The following ZNF507 variants were observed in gnomAD, a reference collection of about 807,000 sequenced individuals.
ZNF507 encodes the protein zinc finger protein 507.
A neutral mutation model predicts 80.0 loss-of-function variants in ZNF507; 29 were observed. That is an observed-to-expected ratio of 0.36 (90% confidence interval 0.27 to 0.49). The LOEUF is 0.49. ZNF507 is among the 20% of genes least tolerant of loss of function. ZNF507 has a pLI of 0.98. For missense variants in ZNF507, 1,081 were observed against 1,152.2 expected (o/e 0.94, Z 0.90); for synonymous variants, 462 against 422.5 (o/e 1.09, Z -1.15).
intron 5 of ZNF507, among the ~76,000 whole-genome samples, chr19:32,367,956 C>T (rs1009072522): frequency 2.0e-5 from 3 of 152,194 alleles, no homozygotes; most frequent in Admixed American, 1.3e-4. Context: ...GTTCAGTCCT[C>T]ACAGCAGCCC....
At chr19:32,360,386 C>A in intron 4 of ZNF507, 118 bp from the exon 5 acceptor site, 1 of 499,814 alleles carries the variant, frequency 2.0e-6, no homozygotes. Flanking sequence ...GTGAGAAAGC[C>A]GTGATTGAAA....
At chr19:32,355,020 T>C in intron 3 of ZNF507, 63 bp downstream of exon 3, 2 of 1,441,170 alleles carry the variant, frequency 1.4e-6, no homozygotes, top group East Asian at 2.4e-5. Flanking sequence ...AAGGGAACTT[T>C]GTAGATCTAA....
intron 5 of ZNF507, among the ~76,000 whole-genome samples, chr19:32,361,782 C>T (rs935782428): frequency 1.4e-5 from 2 of 144,500 alleles, no homozygotes; most frequent in African/African-American, 2.6e-5. Context: ...CTCTCTCCCT[C>T]CCTCCTTCCT....
intron 5 of ZNF507, among the ~76,000 whole-genome samples, chr19:32,379,427 T>C (rs1207915375): frequency 6.6e-6 from 1 of 152,154 alleles, no homozygotes; most frequent in Non-Finnish European, 1.5e-5. Flanking sequence ...AGGGGAACAA[T>C]TTTTTTAAAT....
Position 32,356,606 on chromosome 19 carries a change from C to T in ZNF507, c.2128-10C>T. On this transcript the variant is annotated splice_polypyrimidine_tract_variant and intron_variant, in intron 3 of 6. Transcript: ENST00000355898. ...TTATTGAAAATTACATATTTCTTTC[C>T]ACTTTTTAGAGTCAATTGAGGAACC... 6.3e-7 allele frequency: 1 copy of T among 1,597,758 alleles called. No individual in the cohort carries two copies. Among genetic ancestry groups the T allele is most frequent in the Non-Finnish European group, 8.6e-7 (1 of 1,166,110 alleles).
intron 5 of ZNF507, among the ~76,000 whole-genome samples, chr19:32,370,020 G>A (rs1318682881): frequency 1.3e-5 from 2 of 152,140 alleles, no homozygotes; most frequent in African/African-American, 4.8e-5. Flanking sequence ...TTAGCATGAG[G>A]CCTCCAGGGC....
chr19:32,365,995 G>T (rs1270679857), intron 5 of ZNF507, among the ~76,000 whole-genome samples: 4 of 152,014 alleles, frequency 2.6e-5, no homozygotes, highest in African/African-American at 9.7e-5. Context: ...AATGTGTAGT[G>T]GTATTATTAC....
intron 5 of ZNF507, among the ~76,000 whole-genome samples, chr19:32,373,215 C>CG (rs34242914): frequency 3.6e-4 from 54 of 151,198 alleles, no homozygotes; most frequent in African/African-American, 6.6e-4. Flanking sequence ...ATAGGAATTT[C>CG]GGGGGGGGCA....
At chr19:32,346,260 A>G (rs4805754) in intron 1 of ZNF507, among the ~76,000 whole-genome samples, 30,292 of 152,024 alleles carry the variant, frequency 0.2, 3,213 homozygotes, top group South Asian at 0.29. Context: ...ATTTATTACC[A>G]TCCTCTGGAG....
intron 5 of ZNF507, among the ~76,000 whole-genome samples, chr19:32,362,389 G>A (rs867335891): frequency 1.3e-5 from 2 of 152,156 alleles, no homozygotes; most frequent in South Asian, 2.1e-4. Context: ...ATTTCTCCGG[G>A]TCCAGAATTA....
rs781067719 is a variant in ZNF507 at position 32,353,723 on chromosome 19, C to T, written c.893C>T (p.Ala298Val). ...CTGCTGGATTCTTCAGCAGCTGCTGCGCCTGGTGGGGTCGATGCAGTCGTC... is the reference window on the plus strand; with the variant it reads ...CTGCTGGATTCTTCAGCAGCTGCTGTGCCTGGTGGGGTCGATGCAGTCGTC... ...LGLLDSSAAA[A>V]PGGVDAVVIA... Residue 298 changes from alanine to valine, a missense_variant, in exon 3 of 7, where the codon GCG becomes GTG. Ala to Val is a moderately conservative substitution (Grantham distance 64). Coordinates refer to ENST00000355898, the MANE Select transcript of ZNF507 (RefSeq NM_001136156.2). 1.9e-6 allele frequency: 3 copies of T among 1,614,178 alleles called. No homozygotes were observed. The highest frequency in any genetic ancestry group is 1.7e-6 in the Non-Finnish European group (2 of 1,180,042).
intron 2 of ZNF507, among the ~76,000 whole-genome samples, chr19:32,350,398 G>A (rs1421989991): frequency 6.6e-6 from 1 of 152,162 alleles, no homozygotes; most frequent in Non-Finnish European, 1.5e-5. Flanking sequence ...AATGTTCAGG[G>A]AAAATTGGAG....
rs1348542630 is a variant in ZNF507 at position 32,354,450 on chromosome 19, C to T, written c.1620C>T (p.Tyr540=). 1.9e-6 allele frequency: 3 copies of T among 1,613,996 alleles called. No homozygotes were observed. Among genetic ancestry groups the T allele is most frequent in the East Asian group, 2.2e-5 (1 of 44,882 alleles). Residue 540 remains tyrosine, a synonymous_variant, in exon 3 of 7, where the codon TAC becomes TAT. Coordinates refer to ENST00000355898, the MANE Select transcript of ZNF507 (RefSeq NM_001136156.2). ...AAGTAGATAGTACATTGGCAGCGTACTCAAAAATGATGTCGCCACTTAAAA... is the reference window on the plus strand; with the variant it reads ...AAGTAGATAGTACATTGGCAGCGTATTCAAAAATGATGTCGCCACTTAAAA... ...QRQVDSTLAA[Y]SKMMSPLKNS...
chr19:32,355,091 C>T, intron 3 of ZNF507, 134 bp downstream of exon 3: 2 of 834,860 alleles, frequency 2.4e-6, no homozygotes, highest in South Asian at 3.8e-5. Context: ...ATAAGTTGCC[C>T]AAGGGGATCC....
rs371355790 is a variant in ZNF507 at position 32,354,674 on chromosome 19, C to T, written c.1844C>T (p.Ala615Val). ...DDILKELQDN[A>V]QCQPNSDTSL... ...ATTTTGAAAGAGTTGCAGGACAACG[C>T]CCAGTGCCAACCCAACAGCGATACA... Residue 615 changes from alanine to valine, a missense_variant, in exon 3 of 7, where the codon GCC becomes GTC. By Grantham distance (64) the Ala-to-Val change is moderately conservative (BLOSUM62 0). Coordinates refer to ENST00000355898, the MANE Select transcript of ZNF507 (RefSeq NM_001136156.2). The T allele has an allele frequency of 2.0e-5, 32 of 1,614,000 alleles. No homozygotes were observed. The highest frequency in any genetic ancestry group is 2.7e-5 in the Non-Finnish European group (32 of 1,180,026).
At chr19:32,368,301 G>T (rs1319963261) in intron 5 of ZNF507, among the ~76,000 whole-genome samples, 2 of 152,242 alleles carry the variant, frequency 1.3e-5, no homozygotes, top group Admixed American at 1.3e-4. Flanking sequence ...AAGGCTGGAA[G>T]TGACCCAGAC....
chr19:32,381,200 G>A (rs577530691), intron 5 of ZNF507, among the ~76,000 whole-genome samples: 5 of 152,256 alleles, frequency 3.3e-5, no homozygotes, highest in South Asian at 2.1e-4. Flanking sequence ...GTGGTTGCCC[G>A]GGATTCAGGG....
At chr19:32,373,606 C>T (rs895583303) in intron 5 of ZNF507, among the ~76,000 whole-genome samples, 1 of 152,076 alleles carries the variant, frequency 6.6e-6, no homozygotes, top group African/African-American at 2.4e-5. Flanking sequence ...ACTTTTTGGC[C>T]GCCATAACTT....
intron 3 of ZNF507, among the ~76,000 whole-genome samples, 176 bp from the exon 4 acceptor site, chr19:32,356,440 T>G (rs1967253099): frequency 6.6e-6 from 1 of 152,232 alleles, no homozygotes. Context: ...GATTTGCTAA[T>G]GTACTTCTTT....
Sources: allele counts gnomAD v4.1 joint callset (sites outside exome capture counted in the v4.1 genomes callset), GRCh38; gene constraint gnomAD v4.1.1; transcripts MANE v1.5; gene names NCBI Gene and HGNC (gene_info 2026-07-23, HGNC 2026-07-21).